The following SLC35F3 variants were observed in gnomAD, a reference collection of about 807,000 sequenced individuals.
The protein encoded by SLC35F3 is putative thiamine transporter SLC35F3.
In SLC35F3, 25 loss-of-function variants were observed where a neutral mutation model predicts 49.9. The ratio of observed to expected loss-of-function variants is 0.50; its 90% CI spans 0.37 to 0.70. The LOEUF is 0.70. SLC35F3 is among the 30% of genes least tolerant of loss of function. SLC35F3 has a pLI of 0.00. For synonymous variants in SLC35F3, 275 were observed against 265.4 expected (o/e 1.04, Z -0.35); for missense variants, 525 against 639.8 (o/e 0.82, Z 1.94).
intron 2 of SLC35F3, among the ~76,000 whole-genome samples, chr1:234,124,488 A>G (rs1665618659): frequency 6.6e-6 from 1 of 152,204 alleles, no homozygotes; most frequent in African/African-American, 2.4e-5. Flanking sequence ...ATAAATTATT[A>G]TCATTTAGCA....
intron 2 of SLC35F3, among the ~76,000 whole-genome samples, chr1:234,123,224 G>T (rs1665601902): frequency 6.6e-6 from 1 of 152,192 alleles, no homozygotes; most frequent in Non-Finnish European, 1.5e-5. Flanking sequence ...GATCAGTGAT[G>T]ATGAGCTTTT....
At chr1:233,918,192 C>T (rs2102785933) in intron 2 of SLC35F3, among the ~76,000 whole-genome samples, 1 of 152,334 alleles carries the variant, frequency 6.6e-6, no homozygotes, top group Admixed American at 6.5e-5. Context: ...AGCAGGTGGT[C>T]TGAGGTCACT....
At chr1:233,983,089 T>C (rs1663211871) in intron 2 of SLC35F3, among the ~76,000 whole-genome samples, 1 of 152,178 alleles carries the variant, frequency 6.6e-6, no homozygotes. Flanking sequence ...GAAGCTCATT[T>C]TTCATCCCTG....
intron 2 of SLC35F3, among the ~76,000 whole-genome samples, chr1:233,937,033 A>G (rs1662346240): frequency 6.6e-6 from 1 of 152,148 alleles, no homozygotes; most frequent in African/African-American, 2.4e-5. Context: ...TGATAACAAG[A>G]CTTGCCAGTC....
chr1:234,267,824 C>T (rs1328848669), intron 3 of SLC35F3, among the ~76,000 whole-genome samples: 115 of 137,566 alleles, frequency 8.4e-4, no homozygotes, highest in Admixed American at 1.7e-3. Flanking sequence ...GACAGGGTTG[C>T]GCCCAGCAGA....
At chr1:233,909,078 C>T (rs1393032798) in intron 2 of SLC35F3, among the ~76,000 whole-genome samples, 2 of 152,058 alleles carry the variant, frequency 1.3e-5, no homozygotes, top group Non-Finnish European at 2.9e-5. Flanking sequence ...AGGCTGGTCT[C>T]GAACTCCTGA....
intron 2 of SLC35F3, among the ~76,000 whole-genome samples, chr1:234,002,905 T>C (rs1663574929): frequency 6.6e-6 from 1 of 152,202 alleles, no homozygotes; most frequent in African/African-American, 2.4e-5. Context: ...CACTATTTAT[T>C]TTCTTGTTTG....
At chr1:233,953,210 A>T (rs1404379644) in intron 2 of SLC35F3, among the ~76,000 whole-genome samples, 1 of 152,208 alleles carries the variant, frequency 6.6e-6, no homozygotes, top group Non-Finnish European at 1.5e-5. Context: ...TAATGATAGG[A>T]CTGCAAAGAA....
intron 2 of SLC35F3, among the ~76,000 whole-genome samples, chr1:233,907,123 C>T (rs10797501): frequency 0.64 from 97,289 of 152,082 alleles, 31,490 homozygotes; most frequent in Non-Finnish European, 0.68. Flanking sequence ...TCAAGTTTTA[C>T]TTCTGCTTTC....
At chr1:234,014,814 AAAAAATT>A (rs1237536256) in intron 2 of SLC35F3, among the ~76,000 whole-genome samples, 1 of 152,242 alleles carries the variant, frequency 6.6e-6, no homozygotes, top group Admixed American at 6.5e-5. Context: ...AGATCATTGA[AAAAAATT>A]ATAAAAGGCA....
intron 2 of SLC35F3, among the ~76,000 whole-genome samples, chr1:234,226,586 T>G (rs1417096801): frequency 6.6e-6 from 1 of 151,862 alleles, no homozygotes; most frequent in Non-Finnish European, 1.5e-5. Flanking sequence ...ATTCATCATT[T>G]TCTCAGGCCT....
chr1:234,044,238 C>CT (rs1286425450), intron 2 of SLC35F3, among the ~76,000 whole-genome samples: 1 of 152,190 alleles, frequency 6.6e-6, no homozygotes, highest in Non-Finnish European at 1.5e-5. Context: ...AAGCCCTTTC[C>CT]AAAAGTCAGT....
At chr1:234,305,091 T>C (rs1332923002) in intron 3 of SLC35F3, among the ~76,000 whole-genome samples, 2 of 152,226 alleles carry the variant, frequency 1.3e-5, no homozygotes, top group African/African-American at 4.8e-5. Flanking sequence ...TGTCTAGAAT[T>C]GTGGGAATGG....
In SLC35F3 at chr1:234,154,305, A is replaced by G. The variant is rs532623833; in HGVS notation, c.284-77112A>G. ...GGGCACAGGAAAGGAGCTCAGATGTAATGGGGGAAGTTAAGCACACACCCT... is the reference window on the plus strand; with the variant it reads ...GGGCACAGGAAAGGAGCTCAGATGTGATGGGGGAAGTTAAGCACACACCCT... On this transcript the variant is annotated intron_variant, in intron 2 of 7. Coordinates refer to ENST00000366618, the MANE Select transcript of SLC35F3 (RefSeq NM_173508.4). 3.3e-5 allele frequency among the ~76,000 whole-genome samples: 5 copies of G among 152,330 alleles called. No homozygotes were observed. The South Asian group carries it at 1.0e-3, about 32-fold the overall frequency.
intron 3 of SLC35F3, among the ~76,000 whole-genome samples, chr1:234,268,325 C>A (rs558023879): frequency 1.4e-5 from 2 of 139,154 alleles, no homozygotes; most frequent in African/African-American, 5.3e-5. Context: ...CGTGGCGGCG[C>A]GCGCCTGCAA....
intron 3 of SLC35F3, among the ~76,000 whole-genome samples, chr1:234,263,960 T>C (rs1667943800): frequency 6.6e-6 from 1 of 152,000 alleles, no homozygotes; most frequent in Non-Finnish European, 1.5e-5. Context: ...AATACAAAAA[T>C]TAGCCAGGCA....
chr1:234,132,550 T>G (rs1665751539), intron 2 of SLC35F3, among the ~76,000 whole-genome samples: 2 of 152,240 alleles, frequency 1.3e-5, no homozygotes, highest in Non-Finnish European at 2.9e-5. Context: ...TTATCTAATC[T>G]TTGCAGTTTG....
chr1:234,041,341 A>G (rs552903286), intron 2 of SLC35F3, among the ~76,000 whole-genome samples: 17 of 152,272 alleles, frequency 1.1e-4, no homozygotes, highest in African/African-American at 3.9e-4. Flanking sequence ...CCTTCTGTAC[A>G]TAGTCGCTGT....
At chr1:234,283,482 G>A (rs573905786) in intron 3 of SLC35F3, among the ~76,000 whole-genome samples, 52 of 152,336 alleles carry the variant, frequency 3.4e-4, no homozygotes, top group African/African-American at 1.2e-3. Context: ...TGAAGTTATT[G>A]TGGAATGCAA....
Sources: allele counts gnomAD v4.1 joint callset (sites outside exome capture counted in the v4.1 genomes callset), GRCh38; gene constraint gnomAD v4.1.1; transcripts MANE v1.5; gene names NCBI Gene and HGNC (gene_info 2026-07-23, HGNC 2026-07-21).